FBXL13: variants seen among roughly 807,000 people sequenced by gnomAD.
The protein encoded by FBXL13 is F-box and leucine-rich repeat protein 13.
Under a neutral mutation model 83.6 loss-of-function variants are expected in FBXL13, and 67 were observed. The ratio of observed to expected loss-of-function variants is 0.80; its 90% CI spans 0.66 to 0.98. FBXL13 has a LOEUF of 0.98. Ranked by LOEUF, FBXL13 falls within the 50% of genes least tolerant of loss-of-function variation. The probability of loss-of-function intolerance (pLI) is 0.00; values close to 1 mark genes in which losing one functional copy is unlikely to be tolerated. For synonymous variants in FBXL13, 272 were observed against 299.5 expected, an observed-to-expected ratio of 0.91 and a Z score of 0.95; for missense variants, 822 against 866.5, an observed-to-expected ratio of 0.95 and a Z score of 0.64.
At chr7:102,879,783 T>C (rs569472385) in intron 14 of FBXL13, among the ~76,000 whole-genome samples, 21 of 152,324 alleles carry the variant, frequency 1.4e-4, no homozygotes, top group Admixed American at 1.1e-3. Context: ...CTCAGCTCAC[T>C]ACAAGCTCTG....
intron 8 of FBXL13, among the ~76,000 whole-genome samples, chr7:102,948,094 C>G (rs991410338): frequency 6.7e-6 from 1 of 149,474 alleles, no homozygotes; most frequent in Non-Finnish European, 1.5e-5. Flanking sequence ...GTTGGAGTCT[C>G]CCTCTGTCAC....
intron 8 of FBXL13, among the ~76,000 whole-genome samples, chr7:102,945,822 C>T (rs1392688804): frequency 6.6e-6 from 1 of 152,118 alleles, no homozygotes; most frequent in Non-Finnish European, 1.5e-5. Flanking sequence ...AAATAACCAC[C>T]TTATCTGATA....
chr7:102,966,268 T>C (rs1349434646), intron 7 of FBXL13, among the ~76,000 whole-genome samples: 2 of 152,222 alleles, frequency 1.3e-5, no homozygotes, highest in East Asian at 3.8e-4. Flanking sequence ...AACAGATTAC[T>C]GTTTACTACC....
chr7:102,951,637 G>A (rs1005405929), intron 8 of FBXL13, among the ~76,000 whole-genome samples: 13 of 151,498 alleles, frequency 8.6e-5, no homozygotes, highest in East Asian at 1.9e-4. Flanking sequence ...GTCAGAGCCC[G>A]TCTCTACAAA....
chr7:102,901,554 C>T (rs1416147309), intron 11 of FBXL13, among the ~76,000 whole-genome samples: 1 of 152,088 alleles, frequency 6.6e-6, no homozygotes, highest in African/African-American at 2.4e-5. Flanking sequence ...ACCTCAAAGC[C>T]CCATTATCCT....
intron 6 of FBXL13, among the ~76,000 whole-genome samples, chr7:102,985,037 T>G (rs1387844468): frequency 6.6e-6 from 1 of 152,238 alleles, no homozygotes; most frequent in Non-Finnish European, 1.5e-5. Context: ...GGTCCTGCAT[T>G]GCTTGTGCTG....
chr7:102,933,849 T>A (rs1819692692), intron 8 of FBXL13: 1 of 1,463,568 alleles, frequency 6.8e-7, no homozygotes, highest in African/African-American at 1.4e-5. Flanking sequence ...AGACTTGGAT[T>A]TCAAAGGAAT....
chr7:102,864,483 C>T (rs1047037007), intron 16 of FBXL13, among the ~76,000 whole-genome samples: 2 of 152,084 alleles, frequency 1.3e-5, no homozygotes, highest in Admixed American at 1.3e-4. Context: ...ATTTTCCTGC[C>T]TCAGCCTCCC....
At chr7:102,834,426 GTGTGATTATATATATTATATATA>G (rs1314641816) in intron 17 of FBXL13, among the ~76,000 whole-genome samples, 2 of 142,116 alleles carry the variant, frequency 1.4e-5, no homozygotes, top group Non-Finnish European at 3.0e-5. Context: ...TTATATATAT[GTGTGATTATATATATTATATATA>G]TGTGATTATA....
At chr7:103,072,941 G>C (rs1397819266) in intron 1 of FBXL13, among the ~76,000 whole-genome samples, 1 of 152,160 alleles carries the variant, frequency 6.6e-6, no homozygotes, top group African/African-American at 2.4e-5. Flanking sequence ...AAGTCAACTT[G>C]GTTATCTCTG....
At chr7:102,931,543 T>C (rs1011641641) in intron 9 of FBXL13, among the ~76,000 whole-genome samples, 32 of 152,202 alleles carry the variant, frequency 2.1e-4, no homozygotes, top group African/African-American at 7.2e-4. Context: ...TTGGCACAGC[T>C]GTTGATAGCC....
At chr7:103,024,135 A>AGAGAGAG (rs1793552982) in intron 6 of FBXL13, among the ~76,000 whole-genome samples, 3 of 96,586 alleles carry the variant, frequency 3.1e-5, no homozygotes, top group Non-Finnish European at 4.5e-5. Flanking sequence ...AAAAGTTAAA[A>AGAGAGAG]AGAGAGAGAG....
intron 8 of FBXL13, among the ~76,000 whole-genome samples, chr7:102,959,684 A>C (rs1781431847): frequency 1.3e-5 from 2 of 152,084 alleles, no homozygotes; most frequent in Admixed American, 1.3e-4. Flanking sequence ...AGAAATACTT[A>C]TATGATAGAT....
In FBXL13 at chr7:103,029,425, T is replaced by G; in HGVS notation, c.1-7A>C. ...TCATCAATTCCGGAGTCATCTAAAGTAAATAAATAATTGAAATAACAAATA... is the reference window on the plus strand; with the variant it reads ...TCATCAATTCCGGAGTCATCTAAAGGAAATAAATAATTGAAATAACAAATA... On this transcript the variant is annotated splice_region_variant and splice_polypyrimidine_tract_variant and intron_variant, in intron 2 of 19. Transcript: ENST00000313221. 1 of 1,431,058 alleles carries G rather than the reference T, an allele frequency of 7.0e-7. No individual in the cohort carries two copies. The highest frequency in any genetic ancestry group is 9.4e-7 in the Non-Finnish European group (1 of 1,058,534). The allele number at this position is 1,431,058 out of a possible 1,614,324, so 88.6% of individuals were successfully genotyped here.
intron 6 of FBXL13, among the ~76,000 whole-genome samples, chr7:102,981,955 A>G (rs1461577107): frequency 2.6e-5 from 4 of 152,188 alleles, no homozygotes; most frequent in African/African-American, 9.7e-5. Flanking sequence ...CTGTAATCCC[A>G]GCACTCTGTG....
intron 17 of FBXL13, among the ~76,000 whole-genome samples, chr7:102,852,812 A>T (rs974533990): frequency 2.0e-5 from 3 of 152,240 alleles, no homozygotes; most frequent in Admixed American, 1.3e-4. Context: ...TAGAACTATC[A>T]TTTGATCCAG....
intron 8 of FBXL13, among the ~76,000 whole-genome samples, chr7:102,963,290 C>T (rs1360018081): frequency 6.6e-6 from 1 of 150,880 alleles, no homozygotes; most frequent in Non-Finnish European, 1.5e-5. Flanking sequence ...CACTGCACTC[C>T]AGCCTGGGAG....
At chr7:103,007,514 A>G (rs150590580) in intron 6 of FBXL13, among the ~76,000 whole-genome samples, 3,008 of 152,270 alleles carry the variant, frequency 0.02, 41 homozygotes, top group Non-Finnish European at 0.03. Flanking sequence ...ATGCTTTTTC[A>G]GAAAAATAAA....
At chr7:102,898,401 C>T (rs539800452) in intron 11 of FBXL13, among the ~76,000 whole-genome samples, 206 of 152,210 alleles carry the variant, frequency 1.4e-3, no homozygotes, top group Admixed American at 2.4e-3. Context: ...AGTGCAGTGG[C>T]GCAATCATGG....
Sources: allele counts gnomAD v4.1 joint callset (sites outside exome capture counted in the v4.1 genomes callset), GRCh38; gene constraint gnomAD v4.1.1; transcripts MANE v1.5; gene names NCBI Gene and HGNC (gene_info 2026-07-23, HGNC 2026-07-21).